Variants in NDUFS4 observed in about 807,000 individuals in gnomAD.
NDUFS4 encodes the protein NADH dehydrogenase [ubiquinone] iron-sulfur protein 4, mitochondrial.
In NDUFS4, 28 loss-of-function variants were observed where a neutral mutation model predicts 24.3. The ratio of observed to expected loss-of-function variants is 1.15; its 90% CI spans 0.85 to 1.58. The LOEUF (loss-of-function observed/expected upper bound fraction) is 1.58. Ranked by LOEUF, NDUFS4 falls within the 40% of genes most tolerant of loss-of-function variation. The pLI is 0.00. For synonymous variants in NDUFS4, 93 were observed against 69.7 expected, an observed-to-expected ratio of 1.34 and a Z score of -1.67; for missense variants, 223 against 207.9, an observed-to-expected ratio of 1.07 and a Z score of -0.45.
rs537243848 is a variant in NDUFS4, at chr5:53,614,687, A to G, written c.177+11157A>G. Among the ~76,000 whole-genome samples the G allele has an allele frequency of 2.0e-5, 3 of 152,116 alleles. No homozygotes were observed. The East Asian group carries it at 5.8e-4, about 29-fold the overall frequency. The stretch of plus-strand genomic sequence containing the variant: ...CTGTAGTATGCTAGTGCTGTATAAC[A>G]GTTCTCCATTGTGTGTCTCTTTTAA... On this transcript the variant is annotated intron_variant, in intron 2 of 4. Transcript: ENST00000296684.
intron 2 of NDUFS4, among the ~76,000 whole-genome samples, chr5:53,642,841 G>C (rs1469447319): frequency 6.6e-6 from 1 of 152,106 alleles, no homozygotes; most frequent in Non-Finnish European, 1.5e-5. Flanking sequence ...AATTGTTGAA[G>C]ATATGGTGTT....
At chr5:53,617,590 ATCTT>A (rs879645871) in intron 2 of NDUFS4, among the ~76,000 whole-genome samples, 4 of 151,008 alleles carry the variant, frequency 2.6e-5, no homozygotes, top group African/African-American at 9.8e-5. Flanking sequence ...TGTTCCTTTT[ATCTT>A]TCTTCTTCTT....
At chr5:53,574,351 A>C (rs1280106477) in intron 1 of NDUFS4, among the ~76,000 whole-genome samples, 2 of 152,124 alleles carry the variant, frequency 1.3e-5, no homozygotes, top group Non-Finnish European at 2.9e-5. Context: ...TTTCTTCTTT[A>C]GACTGTTAAT....
intron 1 of NDUFS4, among the ~76,000 whole-genome samples, chr5:53,577,544 A>G (rs1749426053): frequency 6.6e-6 from 1 of 151,204 alleles, no homozygotes; most frequent in Non-Finnish European, 1.5e-5. Context: ...GCACTTAGGC[A>G]TTGAGGTAAT....
intron 3 of NDUFS4, among the ~76,000 whole-genome samples, chr5:53,648,505 G>C (rs1368713821): frequency 6.6e-6 from 1 of 152,154 alleles, no homozygotes; most frequent in African/African-American, 2.4e-5. Context: ...ATTAACTCTA[G>C]CTTCAAAGAA....
At chr5:53,658,771 G>T in intron 4 of NDUFS4, 147 bp downstream of exon 4, 16 of 183,720 alleles carry the variant, frequency 8.7e-5, no homozygotes, top group Non-Finnish European at 1.2e-4. Context: ...AACTACATCA[G>T]AACACCCACC....
In NDUFS4 at chr5:53,603,544, A is replaced by C; in HGVS notation, c.177+14A>C. On this transcript the variant is annotated intron_variant, in intron 2 of 4. Transcript: ENST00000296684. ...GATGAAAAATTGGTAAGGATTTTCT[A>C]CTACACACTGCTATGGTTCTGCCTT... 6.3e-7 allele frequency: 1 copy of C among 1,593,714 alleles called. No homozygotes were observed. Among genetic ancestry groups the C allele is most frequent in the Non-Finnish European group, 8.6e-7 (1 of 1,161,840 alleles).
chr5:53,627,792 G>A (rs1751276693), intron 2 of NDUFS4, among the ~76,000 whole-genome samples: 1 of 152,108 alleles, frequency 6.6e-6, no homozygotes, highest in Admixed American at 6.5e-5. Flanking sequence ...CTGAGACCAT[G>A]GTACTTTCAT....
chr5:53,602,363 C>T (rs1460005289), intron 1 of NDUFS4, among the ~76,000 whole-genome samples: 1 of 151,928 alleles, frequency 6.6e-6, no homozygotes, highest in South Asian at 2.1e-4. Flanking sequence ...CTGAGTGGGG[C>T]ATTTACAGTG....
intron 2 of NDUFS4, among the ~76,000 whole-genome samples, chr5:53,612,994 A>T (rs943429201): frequency 2.0e-5 from 3 of 152,128 alleles, no homozygotes; most frequent in Non-Finnish European, 4.4e-5. Context: ...GAAAACTTAT[A>T]TAAGTCTGCA....
intron 4 of NDUFS4, among the ~76,000 whole-genome samples, chr5:53,663,109 A>G (rs1752396351): frequency 6.6e-6 from 1 of 152,088 alleles, no homozygotes; most frequent in African/African-American, 2.4e-5. Flanking sequence ...CAGGTTGTTC[A>G]GTTTCCATGT....
chr5:53,619,526 A>T (rs905654996), intron 2 of NDUFS4, among the ~76,000 whole-genome samples: 5 of 151,222 alleles, frequency 3.3e-5, no homozygotes, highest in African/African-American at 1.2e-4. Flanking sequence ...TACATCATAA[A>T]TATATCAAAT....
chr5:53,639,339 T>G (rs1751643243), intron 2 of NDUFS4, among the ~76,000 whole-genome samples: 1 of 151,934 alleles, frequency 6.6e-6, no homozygotes, highest in Non-Finnish European at 1.5e-5. Flanking sequence ...TTTCTCATTT[T>G]TATTAACAGA....
At chr5:53,565,587 C>T (rs1748994192) in intron 1 of NDUFS4, among the ~76,000 whole-genome samples, 1 of 152,202 alleles carries the variant, frequency 6.6e-6, no homozygotes, top group Non-Finnish European at 1.5e-5. Context: ...ATACCCTCAT[C>T]AGTGATAGCC....
At chr5:53,561,151 C>T (rs758889681) in intron 1 of NDUFS4, among the ~76,000 whole-genome samples, 1 of 152,158 alleles carries the variant, frequency 6.6e-6, no homozygotes, top group Non-Finnish European at 1.5e-5. Context: ...CACTCCAGTC[C>T]TTACAGAAGG....
chr5:53,592,135 G>A (rs1021558652), intron 1 of NDUFS4, among the ~76,000 whole-genome samples: 1 of 151,722 alleles, frequency 6.6e-6, no homozygotes, highest in East Asian at 1.9e-4. Context: ...AGATGAGGGG[G>A]TGTGGCAGAT....
rs1286678501 is a variant in NDUFS4 at position 53,580,698 on chromosome 5, CTTTCCTTTCCTTTCCT to C, written c.98+19947_98+19962del. Among the ~76,000 whole-genome samples, 7 of 141,066 alleles carry C rather than the reference CTTTCCTTTCCTTTCCT, an allele frequency of 5.0e-5. No homozygotes were observed. In the South Asian group the frequency reaches 1.2e-3, roughly 23 times the overall value. 92.5% of individuals were successfully genotyped at this position (141,066 alleles called of 152,430 possible). ...TTCTTTCTCTTTCGTCCTTCCTTTCCTTTCCTTTCCTTTCCTTTTCCTTTTCCTTTTCCCTTTCCTT... is the reference window on the plus strand; with the variant it reads ...TTCTTTCTCTTTCGTCCTTCCTTTCCTTTCCTTTTCCTTTTCCCTTTCCTT... On this transcript the variant is annotated intron_variant, in intron 1 of 4. Transcript: ENST00000296684.
At chr5:53,607,887 G>A (rs929932865) in intron 2 of NDUFS4, among the ~76,000 whole-genome samples, 1 of 152,182 alleles carries the variant, frequency 6.6e-6, no homozygotes, top group Non-Finnish European at 1.5e-5. Flanking sequence ...AAATGCAAAT[G>A]AGTGCCACTC....
chr5:53,632,029 G>A (rs1016450709), intron 2 of NDUFS4, among the ~76,000 whole-genome samples: 14 of 152,248 alleles, frequency 9.2e-5, no homozygotes, highest in South Asian at 8.3e-4. Flanking sequence ...CTCGCCCTCC[G>A]TGGTCTGCAC....
Sources: gnomAD v4.1 joint callset for allele counts (sites outside exome capture counted in the v4.1 genomes callset) on GRCh38, gnomAD v4.1.1 for gene constraint, MANE v1.5 for transcripts, NCBI Gene and HGNC (gene_info 2026-07-23, HGNC 2026-07-21) for gene names.